IL12B: variants seen among roughly 807,000 people sequenced by gnomAD.
IL12B encodes the protein interleukin-12 subunit beta.
IL12B carries 27 observed loss-of-function variants against 39.2 expected under a neutral mutation model. That is an observed-to-expected ratio of 0.69 (90% confidence interval 0.51 to 0.95). IL12B has a LOEUF of 0.95. Among genes scored for constraint, IL12B ranks in the 40% least tolerant of loss-of-function variants. The pLI is 0.00. For missense variants in IL12B, 351 were observed against 397.6 expected, an observed-to-expected ratio of 0.88 and a Z score of 1.00; for synonymous variants, 142 against 152.1, an observed-to-expected ratio of 0.93 and a Z score of 0.49.
At chr5:159,324,523 A>G (rs1283771447) in intron 2 of IL12B, among the ~76,000 whole-genome samples, 2 of 152,218 alleles carry the variant, frequency 1.3e-5, no homozygotes, top group East Asian at 3.8e-4. Flanking sequence ...ATTTAGTTAT[A>G]TGGTTCTTAA....
intron 4 of IL12B, 45 bp downstream of exon 4, chr5:159,322,349 A>T (rs779212114): frequency 1.7e-6 from 2 of 1,205,092 alleles, no homozygotes; most frequent in South Asian, 2.4e-5. Context: ...TTCTTAATGA[A>T]ATAGTTCTAG....
intron 4 of IL12B, 150 bp from the exon 5 acceptor site, chr5:159,320,670 G>A (rs1437148241): frequency 4.4e-6 from 3 of 686,950 alleles, no homozygotes; most frequent in Non-Finnish European, 7.7e-6. Context: ...GTAAGAAACT[G>A]CCCTCCCCAG....
At chr5:159,322,006 C>T (rs867709795) in intron 4 of IL12B, among the ~76,000 whole-genome samples, 36 of 152,254 alleles carry the variant, frequency 2.4e-4, no homozygotes, top group African/African-American at 6.7e-4. Flanking sequence ...CTAAGATCTA[C>T]GCCCTGGAGC....
chr5:159,315,967 T>C lies in IL12B; in HGVS notation c.*134A>G, dbSNP rs1487242838. The C allele has an allele frequency of 6.6e-6, 1 of 152,444 alleles. No homozygotes were observed. The highest frequency in any genetic ancestry group is 1.5e-5 in the Non-Finnish European group (1 of 68,160). 9.4% of individuals were successfully genotyped at this position (152,444 alleles called of 1,614,324 possible). Reference sequence around the variant, plus strand: ...TAACTATACAAATACAGCAAAGATATCATTGTGATCCTAAAAAAACGTTTT... The same window carrying C: ...TAACTATACAAATACAGCAAAGATACCATTGTGATCCTAAAAAAACGTTTT... On this transcript the variant is annotated 3_prime_UTR_variant, in exon 8 of 8. Coordinates refer to ENST00000231228, the MANE Select transcript of IL12B (RefSeq NM_002187.3).
At position 159,323,238 on chromosome 5, in the gene IL12B, C is replaced by T. The variant is rs1324674540; in HGVS notation, c.180G>A (p.Trp60Ter). Residue 60 changes from tryptophan (W) to a stop codon, truncating the protein, a stop_gained, in exon 3 of 8, where the codon TGG becomes TGA. Transcript: ENST00000231228. LOFTEE classifies it high-confidence loss of function. Reference sequence around the variant, plus strand: ...AGACCTCACTGCTCTGGTCCAAGGTCCAGGTGATACCATCTTCTTCAGGGG... The same window carrying T: ...AGACCTCACTGCTCTGGTCCAAGGTTCAGGTGATACCATCTTCTTCAGGGG... ...CDTPEEDGIT[W>*]TLDQSSEVLG... 1.2e-6 allele frequency: 2 copies of T among 1,613,958 alleles called. No homozygotes were observed. The highest frequency in any genetic ancestry group is 1.1e-5 in the South Asian group (1 of 91,084).
chr5:159,325,858 G>A (rs1480460954), intron 2 of IL12B, among the ~76,000 whole-genome samples: 3 of 152,176 alleles, frequency 2.0e-5, no homozygotes, highest in African/African-American at 7.2e-5. Flanking sequence ...ATAAAAATCT[G>A]AGGGTCTTTC....
At chr5:159,330,195 C>T (rs1754254282) in intron 1 of IL12B, among the ~76,000 whole-genome samples, 1 of 152,198 alleles carries the variant, frequency 6.6e-6, no homozygotes, top group African/African-American at 2.4e-5. Flanking sequence ...ACTATGCATA[C>T]ACACAGATCT....
At chr5:159,319,301 TGATA>T (rs1221534219) in intron 5 of IL12B, among the ~76,000 whole-genome samples, 1 of 152,234 alleles carries the variant, frequency 6.6e-6, no homozygotes, top group Admixed American at 6.5e-5. Flanking sequence ...GGGGATGAGA[TGATA>T]GATTTTCTAT....
At chr5:159,328,449 C>A (rs548122201) in intron 1 of IL12B, among the ~76,000 whole-genome samples, 5 of 152,252 alleles carry the variant, frequency 3.3e-5, no homozygotes, top group Admixed American at 3.3e-4. Flanking sequence ...TAAAATGGAC[C>A]TAATACTTAT....
Position 159,318,768 on chromosome 5 carries a change from C to G in IL12B, c.823G>C (p.Val275Leu). The change falls in exon 6 of 8, where the codon GTT becomes CTT. Residue 275 changes from valine (V) to leucine (L), a missense_variant. Transcript: ENST00000231228. ...PHSYFSLTFC[V>L]QVQGKSKREK... ...CTCTTGCTCTTGCCCTGGACCTGAACGCAGAATGTCAGGGAGAAGTAGGAA... is the reference window on the plus strand; with the variant it reads ...CTCTTGCTCTTGCCCTGGACCTGAAGGCAGAATGTCAGGGAGAAGTAGGAA... 6.2e-7 allele frequency: 1 copy of G among 1,614,128 alleles called. No individual in the cohort carries two copies. Among genetic ancestry groups the G allele is most frequent in the East Asian group, 2.2e-5 (1 of 44,886 alleles).
intron 2 of IL12B, among the ~76,000 whole-genome samples, chr5:159,324,428 A>G (rs943206884): frequency 6.6e-6 from 1 of 152,258 alleles, no homozygotes; most frequent in Non-Finnish European, 1.5e-5. Flanking sequence ...CCAAAGCATG[A>G]TCGATGAAAC....
chr5:159,320,589 T>C, intron 4 of IL12B, 69 bp from the exon 5 acceptor site: 1 of 1,226,620 alleles, frequency 8.2e-7, no homozygotes. Context: ...TTGTAGCCAG[T>C]AAGGCAGGTA....
At chr5:159,328,438 A>G (rs1431572940) in intron 1 of IL12B, among the ~76,000 whole-genome samples, 1 of 152,234 alleles carries the variant, frequency 6.6e-6, no homozygotes, top group Admixed American at 6.5e-5. Flanking sequence ...CTCTTTGTCT[A>G]TAAAATGGAC....
At chr5:159,326,810 A>G in intron 1 of IL12B, 28 bp from the exon 2 acceptor site, 1 of 1,337,130 alleles carries the variant, frequency 7.5e-7, no homozygotes, top group Non-Finnish European at 1.1e-6. Context: ...AGCAGGGGGA[A>G]GAGAAGGAGG....
chr5:159,321,148 GCCACCACACCC>G (rs1754082769), intron 4 of IL12B, among the ~76,000 whole-genome samples: 1 of 151,688 alleles, frequency 6.6e-6, no homozygotes, highest in Admixed American at 6.6e-5. Context: ...ACAGGTGTGT[GCCACCACACCC>G]ACCTAATTTT....
intron 4 of IL12B, among the ~76,000 whole-genome samples, chr5:159,321,364 TATACACAC>T (rs778253548): frequency 6.8e-6 from 1 of 147,280 alleles, no homozygotes; most frequent in East Asian, 2.0e-4. Flanking sequence ...TATATATATA[TATACACAC>T]ACACACACAC....
At chr5:159,322,988 T>G in intron 3 of IL12B, 66 bp downstream of exon 3, 5 of 1,464,502 alleles carry the variant, frequency 3.4e-6, no homozygotes, top group Non-Finnish European at 4.8e-6. Context: ...CAATTTGTTG[T>G]TGTTGTTGTT....
chr5:159,316,805 G>T lies in IL12B; in HGVS notation c.867C>A (p.Val289=). The change falls in exon 7 of 8, where the codon GTC becomes GTA. Residue 289 remains valine, a synonymous_variant. Transcript: ENST00000231228. ...CCGTGGCTGAGGTCTTGTCCGTGAAGACTCTATCTTTCTGCAAAAGAGAAG... is the reference window on the plus strand; with the variant it reads ...CCGTGGCTGAGGTCTTGTCCGTGAATACTCTATCTTTCTGCAAAAGAGAAG... ...GKSKREKKDR[V]FTDKTSATVI... 6.2e-7 allele frequency: 1 copy of T among 1,614,032 alleles called. No individual in the cohort carries two copies. The highest frequency in any genetic ancestry group is 8.5e-7 in the Non-Finnish European group (1 of 1,180,034).
intron 2 of IL12B, among the ~76,000 whole-genome samples, 168 bp downstream of exon 2, chr5:159,326,527 A>G (rs759892974): frequency 3.9e-5 from 6 of 152,216 alleles, no homozygotes; most frequent in Non-Finnish European, 8.8e-5. Context: ...TATAGATACC[A>G]TCAAAGTAGA....
Sources: gnomAD v4.1 joint callset for allele counts (sites outside exome capture counted in the v4.1 genomes callset) on GRCh38, gnomAD v4.1.1 for gene constraint, MANE v1.5 for transcripts, NCBI Gene and HGNC (gene_info 2026-07-23, HGNC 2026-07-21) for gene names.